Variants in MCC observed in about 807,000 individuals in gnomAD.
MCC encodes the protein MCC regulator of Wnt signaling pathway.
MCC carries 90 observed loss-of-function variants against 116.2 expected under a neutral mutation model. That is an observed-to-expected ratio of 0.77 (90% confidence interval 0.65 to 0.92). The LOEUF (loss-of-function observed/expected upper bound fraction) is 0.92. MCC is among the 40% of genes least tolerant of loss of function. The pLI is 0.00. For synonymous variants in MCC, 578 were observed against 510.5 expected (o/e 1.13, Z -1.78); for missense variants, 1,516 against 1,312.2 (o/e 1.16, Z -2.40).
chr5:113,174,335 G>A lies in MCC; in HGVS notation c.628-22913C>T, dbSNP rs138161297. Among the ~76,000 whole-genome samples, 8 of 152,216 alleles carry A rather than the reference G, an allele frequency of 5.3e-5. No individual in the cohort carries two copies. The East Asian group carries it at 1.4e-3, about 26-fold the overall frequency. Reference sequence around the variant, plus strand: ...AGGCTGGATGGAGTCATTGTGAATCGTACCTACACTGCTGGTATGGATCAC... The same window carrying A: ...AGGCTGGATGGAGTCATTGTGAATCATACCTACACTGCTGGTATGGATCAC... On this transcript the variant is annotated intron_variant, in intron 3 of 18. Transcript: ENST00000408903.
In MCC at chr5:113,235,392, T is replaced by C. The variant is rs1397648777; in HGVS notation, c.628-83970A>G. Among the ~76,000 whole-genome samples the C allele has an allele frequency of 3.3e-5, 5 of 152,338 alleles. No individual in the cohort carries two copies. The East Asian group carries it at 9.6e-4, about 29-fold the overall frequency. On this transcript the variant is annotated intron_variant, in intron 3 of 18. Coordinates refer to ENST00000408903, the MANE Select transcript of MCC (RefSeq NM_001085377.2). Reference sequence around the variant, plus strand: ...TTCCCCAAAGGAATCTCCAAATAATTTTTATATCTGATTAGACTATGTTAG... The same window carrying C: ...TTCCCCAAAGGAATCTCCAAATAATCTTTATATCTGATTAGACTATGTTAG...
chr5:113,408,034 G>C (rs1361526357), intron 1 of MCC, among the ~76,000 whole-genome samples: 2 of 150,170 alleles, frequency 1.3e-5, no homozygotes, highest in African/African-American at 5.1e-5. Context: ...GAAGGGAACA[G>C]AGGAAAAGCA....
intron 6 of MCC, among the ~76,000 whole-genome samples, chr5:113,111,705 G>A (rs548238462): frequency 6.6e-6 from 1 of 152,232 alleles, no homozygotes; most frequent in East Asian, 1.9e-4. Context: ...AACTGGTATC[G>A]TTACACGTCA....
At chr5:113,198,198 C>G (rs1423773164) in intron 3 of MCC, among the ~76,000 whole-genome samples, 7 of 152,140 alleles carry the variant, frequency 4.6e-5, no homozygotes, top group Admixed American at 4.6e-4. Context: ...TTGGTGGTGT[C>G]ATTATTTGAG....
At chr5:113,335,496 TTC>T (rs974355041) in intron 3 of MCC, among the ~76,000 whole-genome samples, 3 of 151,766 alleles carry the variant, frequency 2.0e-5, no homozygotes, top group Admixed American at 2.0e-4. Flanking sequence ...AAAATGAAAC[TTC>T]TGTTACGTTT....
intron 3 of MCC, among the ~76,000 whole-genome samples, chr5:113,326,226 G>A (rs1194415253): frequency 1.3e-5 from 2 of 152,148 alleles, no homozygotes; most frequent in African/African-American, 2.4e-5. Context: ...GGTTATTTCC[G>A]GTTCCACAGC....
intron 2 of MCC, among the ~76,000 whole-genome samples, chr5:113,365,894 G>A (rs1264576498): frequency 6.6e-6 from 1 of 152,164 alleles, no homozygotes; most frequent in African/African-American, 2.4e-5. Context: ...TCACTATACA[G>A]TACCAAGTTG....
intron 1 of MCC, among the ~76,000 whole-genome samples, chr5:113,426,294 T>C (rs1453633251): frequency 6.6e-6 from 1 of 152,024 alleles, no homozygotes; most frequent in Non-Finnish European, 1.5e-5. Context: ...ACTAGAAACA[T>C]GGGAGGCTTG....
chr5:113,059,626 A>G (rs1381657571), intron 14 of MCC, among the ~76,000 whole-genome samples: 1 of 152,214 alleles, frequency 6.6e-6, no homozygotes, highest in East Asian at 1.9e-4. Flanking sequence ...CTAATGACAA[A>G]AACCCTCGCC....
chr5:113,085,459 T>C, intron 8 of MCC, 149 bp from the exon 9 acceptor site: 1 of 652,982 alleles, frequency 1.5e-6, no homozygotes, highest in Non-Finnish European at 2.5e-6. Flanking sequence ...AAAGTCATTA[T>C]ATTCCTTTTT....
chr5:113,440,753 C>T lies in MCC; in HGVS notation c.170+47492G>A, dbSNP rs533184869. On this transcript the variant is annotated intron_variant, in intron 1 of 18. Transcript: ENST00000408903. ...AATTTTCAGTAGATCTGTTGGCAAA[C>T]GAAGAAAGAAGAGGAGGAAGAAGGA... is the stretch of plus-strand genomic sequence containing the variant. Among the ~76,000 whole-genome samples, 8 of 149,912 alleles carry T rather than the reference C, an allele frequency of 5.3e-5. No individual in the cohort carries two copies. In the East Asian group the frequency reaches 7.8e-4, roughly 15 times the overall value.
intron 2 of MCC, among the ~76,000 whole-genome samples, chr5:113,354,782 G>GTATTATTATTAT (rs753455923): frequency 4.2e-5 from 3 of 70,838 alleles, no homozygotes; most frequent in African/African-American, 2.2e-4. Flanking sequence ...CATATACCCT[G>GTATTATTATTAT]TATTATTATT....
At chr5:113,082,466 T>A (rs530279333) in intron 11 of MCC, among the ~76,000 whole-genome samples, 9 of 152,360 alleles carry the variant, frequency 5.9e-5, no homozygotes, top group African/African-American at 1.9e-4. Context: ...GCCTGCATGC[T>A]TGGCAGCCAC....
chr5:113,474,870 A>G (rs894011955), intron 1 of MCC, among the ~76,000 whole-genome samples: 4 of 152,236 alleles, frequency 2.6e-5, no homozygotes, highest in African/African-American at 9.6e-5. Flanking sequence ...TGTGAAGTAA[A>G]GTCAGCTTAA....
chr5:113,099,299 C>G (rs1373350050), intron 8 of MCC, among the ~76,000 whole-genome samples: 1 of 152,124 alleles, frequency 6.6e-6, no homozygotes, highest in East Asian at 1.9e-4. Flanking sequence ...ACAGATGTGA[C>G]TGGAAGAAAG....
chr5:113,331,246 A>G (rs554425579), intron 3 of MCC, among the ~76,000 whole-genome samples: 1 of 151,944 alleles, frequency 6.6e-6, no homozygotes, highest in African/African-American at 2.4e-5. Context: ...CTGGCTGAAC[A>G]TTCACTCTGC....
At chr5:113,433,363 A>T in intron 1 of MCC, 1 of 439,030 alleles carries the variant, frequency 2.3e-6, no homozygotes. Flanking sequence ...GGACGATGAA[A>T]GGAGGATAAA....
At chr5:113,424,132 T>TACATACACACACAC (rs1770418835) in intron 1 of MCC, among the ~76,000 whole-genome samples, 1 of 112,660 alleles carries the variant, frequency 8.9e-6, no homozygotes, top group Non-Finnish European at 1.8e-5. Context: ...AGTCATCCTC[T>TACATACACACACAC]ACACACACAC....
chr5:113,296,001 G>A (rs1488370236), intron 3 of MCC, among the ~76,000 whole-genome samples: 1 of 152,148 alleles, frequency 6.6e-6, no homozygotes, highest in Non-Finnish European at 1.5e-5. Flanking sequence ...TTAAGAAGGG[G>A]CAGAGTGCAA....
Sources: gnomAD v4.1 joint callset for allele counts (sites outside exome capture counted in the v4.1 genomes callset) on GRCh38, gnomAD v4.1.1 for gene constraint, MANE v1.5 for transcripts, NCBI Gene and HGNC (gene_info 2026-07-23, HGNC 2026-07-21) for gene names.